The following SHOX variants were observed in gnomAD, a reference collection of about 807,000 sequenced individuals.
SHOX encodes short stature homeobox protein.
SHOX carries 12 observed loss-of-function variants against 29.6 expected under a neutral mutation model. The ratio of observed to expected loss-of-function variants is 0.41; its 90% CI spans 0.26 to 0.66. The LOEUF is 0.66. Ranked by LOEUF, SHOX falls within the 30% of genes least tolerant of loss-of-function variation. SHOX has a pLI of 0.35. For missense variants in SHOX, 499 were observed against 437.7 expected, an observed-to-expected ratio of 1.14 and a Z score of -1.25; for synonymous variants, 214 against 200.6, an observed-to-expected ratio of 1.07 and a Z score of -0.57.
Position 648,467 on chromosome X carries a change from A to T in SHOX, c.*3831A>T, listed in dbSNP as rs1352184531. 1.8e-4 allele frequency among the ~76,000 whole-genome samples: 28 copies of T among 152,146 alleles called. No homozygotes were observed. Among genetic ancestry groups the T allele is most frequent in the Admixed American group, 1.1e-3 (17 of 15,262 alleles). On this transcript the variant is annotated 3_prime_UTR_variant, in exon 5 of 5. Coordinates refer to ENST00000686671, the MANE Select transcript of SHOX (RefSeq NM_000451.4). ...GTCTCAAACTCCTGACCTCAGGTTG[A>T]CCTGCCCGCTTTGTCCCTCGCAAAG... is the stretch of plus-strand genomic sequence containing the variant.
intron 1 of SHOX, among the ~76,000 whole-genome samples, chrX:624,866 C>CTTTCTTTCT (rs1448012298): frequency 0.14 from 7,694 of 54,166 alleles, 259 homozygotes; most frequent in African/African-American, 0.24. Flanking sequence ...TCTTTCTTTT[C>CTTTCTTTCT]TTTCTTTCTT....
upstream of SHOX, among the ~76,000 whole-genome samples, chrX:627,269 A>G (rs1336340157): frequency 6.6e-6 from 1 of 152,170 alleles, no homozygotes; most frequent in Non-Finnish European, 1.5e-5. Flanking sequence ...AGCGTCTTGA[A>G]TTGGCAACGA....
downstream of SHOX, among the ~76,000 whole-genome samples, chrX:653,926 A>G (rs1456163824): frequency 2.0e-5 from 3 of 152,178 alleles, no homozygotes; most frequent in Non-Finnish European, 4.4e-5. Flanking sequence ...TCGTTAAAAA[A>G]AAAAAGTTGT....
chrX:655,638 A>T (rs866331229), downstream of SHOX, among the ~76,000 whole-genome samples: 1 of 108,072 alleles, frequency 9.3e-6, no homozygotes, highest in Non-Finnish European at 2.0e-5. Context: ...ATATATATAT[A>T]TATATATATA....
chrX:658,071 T>C (rs1023231262), intron 5 of SHOX, among the ~76,000 whole-genome samples: 3 of 151,948 alleles, frequency 2.0e-5, no homozygotes, highest in African/African-American at 7.3e-5. Context: ...GCCTCCCAGG[T>C]ACAAGCGATT....
rs1005169188 is a variant in SHOX at position 648,768 on chromosome X, G to A, written c.*4132G>A. ...AGGTGGATGAGTGATCCCTGAATGA[G>A]TGTGGGGTACGTGTATGCTAGCTGC... is the stretch of plus-strand genomic sequence containing the variant. On this transcript the variant is annotated 3_prime_UTR_variant, in exon 5 of 5. Coordinates refer to ENST00000686671, the MANE Select transcript of SHOX (RefSeq NM_000451.4). 1.3e-5 allele frequency among the ~76,000 whole-genome samples: 2 copies of A among 152,120 alleles called. No homozygotes were observed. The highest frequency in any genetic ancestry group is 1.9e-4 in the East Asian group (1 of 5,174).
At chrX:641,583 G>A (rs1440223742) in intron 4 of SHOX, among the ~76,000 whole-genome samples, 3 of 151,784 alleles carry the variant, frequency 2.0e-5, no homozygotes, top group African/African-American at 7.3e-5. Flanking sequence ...CAGGTACTTG[G>A]GAGGGAGAAT....
chrX:633,501 G>C (rs1481166319), intron 1 of SHOX, among the ~76,000 whole-genome samples: 2 of 152,108 alleles, frequency 1.3e-5, no homozygotes, highest in Admixed American at 1.3e-4. Flanking sequence ...GAGGGCCCTG[G>C]TGTGGATCGT....
At chrX:658,522 G>C (rs1044900345) in intron 5 of SHOX, among the ~76,000 whole-genome samples, 15 of 149,362 alleles carry the variant, frequency 1.0e-4, no homozygotes, top group South Asian at 6.4e-4. Context: ...CCAGGCTGGA[G>C]TGCAGTGGCA....
upstream of SHOX, among the ~76,000 whole-genome samples, chrX:626,885 C>T (rs181380783): frequency 6.6e-6 from 1 of 151,288 alleles, no homozygotes; most frequent in African/African-American, 2.4e-5. Flanking sequence ...TCTCTCTCCT[C>T]TCTGTCTCTT....
At position 657,054 on chromosome X, in the gene SHOX, A is replaced by G. The variant is rs866933107; in HGVS notation, c.634-1731A>G. On this transcript the variant is annotated intron_variant, in intron 5 of 5. Transcript: ENST00000334060. ...AGCTGTGTTTGCACCACTGCCCTCCAGCCTGGGCAACAGAGCAAGACTCCG... is the reference window on the plus strand; with the variant it reads ...AGCTGTGTTTGCACCACTGCCCTCCGGCCTGGGCAACAGAGCAAGACTCCG... Among the ~76,000 whole-genome samples the G allele has an allele frequency of 2.9e-3, 255 of 88,492 alleles. 1 individual carries two copies. Among genetic ancestry groups the G allele is most frequent in the Middle Eastern group, 8.2e-3 (1 of 122 alleles). 58.1% of individuals were successfully genotyped at this position (88,492 alleles called of 152,430 possible). A position where few individuals can be genotyped will look rare whatever the true frequency, so the allele number is the denominator to read the frequency against.
Position 637,429 on chromosome X carries a change from A to G in SHOX, c.486+2603A>G, listed in dbSNP as rs1330692789. ...TTCTTTCCGTAGTCTATTACCGACG[A>G]GAGCACGTTAGTTCAGCTGCGGAAA... is the stretch of plus-strand genomic sequence containing the variant. On this transcript the variant is annotated intron_variant, in intron 2 of 4. Transcript: ENST00000686671. Among the ~76,000 whole-genome samples, 3 of 152,080 alleles carry G rather than the reference A, an allele frequency of 2.0e-5. No homozygotes were observed. The South Asian group carries it at 6.2e-4, about 32-fold the overall frequency.
At chrX:627,694 C>T (rs1174475507), upstream of SHOX, among the ~76,000 whole-genome samples, 1 of 152,170 alleles carries the variant, frequency 6.6e-6, no homozygotes, top group Non-Finnish European at 1.5e-5. Flanking sequence ...ACTGGTGTCC[C>T]CATGCTCATT....
rs2053023999 is a variant in SHOX at position 649,666 on chromosome X, C to T, written c.*5030C>T. Among the ~76,000 whole-genome samples, 1 of 152,072 alleles carries T rather than the reference C, an allele frequency of 6.6e-6. No individual in the cohort carries two copies. Among genetic ancestry groups the T allele is most frequent in the African/African-American group, 2.4e-5 (1 of 41,410 alleles). ...CGTGGGCTGTGTTCCGATGTAACGC[C>T]GTTGCAGAGAGAGGATTTGGTGTGT... On this transcript the variant is annotated 3_prime_UTR_variant, in exon 5 of 5. Coordinates refer to ENST00000686671, the MANE Select transcript of SHOX (RefSeq NM_000451.4).
Position 650,798 on chromosome X carries a change from A to AC in SHOX, c.*6162_*6163insC, listed in dbSNP as rs994456039. Among the ~76,000 whole-genome samples the AC allele has an allele frequency of 7.1e-6, 1 of 141,634 alleles. No homozygotes were observed. Among genetic ancestry groups the AC allele is most frequent in the African/African-American group, 2.5e-5 (1 of 39,652 alleles). The allele number at this position is 141,634 out of a possible 152,430, so 92.9% of individuals were successfully genotyped here. A position where few individuals can be genotyped will look rare whatever the true frequency, so the allele number is the denominator to read the frequency against. On this transcript the variant is annotated 3_prime_UTR_variant, in exon 5 of 5. Transcript: ENST00000686671. ...CGGTGGACACGTTTGACATTAAAAA[A>AC]AAAAAAAAAAAAAAAAAAAAACTGG...
chrX:626,354 G>C (rs1260129320), upstream of SHOX, among the ~76,000 whole-genome samples: 5 of 110,630 alleles, frequency 4.5e-5, no homozygotes, highest in African/African-American at 1.1e-4. Context: ...GTCTATCTCT[G>C]TCTCTCTCTC....
chrX:658,409 G>C (rs1442198101), intron 5 of SHOX, among the ~76,000 whole-genome samples: 1 of 151,876 alleles, frequency 6.6e-6, no homozygotes, highest in Non-Finnish European at 1.5e-5. Flanking sequence ...ATCATTGATG[G>C]TTAGTATTTT....
chrX:635,057 A>C (rs1207342795), intron 2 of SHOX, among the ~76,000 whole-genome samples: 1 of 152,024 alleles, frequency 6.6e-6, no homozygotes, highest in Admixed American at 6.6e-5. Flanking sequence ...ATATATACAT[A>C]TATATTATAC....
At chrX:634,532 T>A in intron 1 of SHOX, 86 bp from the exon 2 acceptor site, 1 of 1,456,516 alleles carries the variant, frequency 6.9e-7, no homozygotes, top group Non-Finnish European at 9.5e-7. Flanking sequence ...GAGGGCCCCC[T>A]TTCCACCGCG....
Sources: allele counts gnomAD v4.1 joint callset (sites outside exome capture counted in the v4.1 genomes callset), GRCh38; gene constraint gnomAD v4.1.1; transcripts MANE v1.5; gene names NCBI Gene and HGNC (gene_info 2026-07-23, HGNC 2026-07-21).